The following DSCAM variants were observed in gnomAD, a reference collection of about 807,000 sequenced individuals.
DSCAM encodes DS cell adhesion molecule.
In DSCAM, 47 loss-of-function variants were observed where a neutral mutation model predicts 217.7. The ratio of observed to expected loss-of-function variants is 0.22; its 90% CI spans 0.17 to 0.28. DSCAM has a LOEUF of 0.28. DSCAM is among the 10% of genes least tolerant of loss of function. DSCAM has a pLI of 1.00. For synonymous variants in DSCAM, 1,056 were observed against 1,015.3 expected, an observed-to-expected ratio of 1.04 and a Z score of -0.76; for missense variants, 2,080 against 2,618.3, an observed-to-expected ratio of 0.79 and a Z score of 4.49.
At chr21:40,264,021 GAGACTAATAACAA>G (rs1312771568) in intron 11 of DSCAM, among the ~76,000 whole-genome samples, 3 of 151,600 alleles carry the variant, frequency 2.0e-5, no homozygotes, top group African/African-American at 7.3e-5. Flanking sequence ...AAATCCTGAT[GAGACTAATAACAA>G]GCAGTGATAT....
intron 3 of DSCAM, among the ~76,000 whole-genome samples, chr21:40,410,110 C>T (rs950172438): frequency 6.6e-6 from 1 of 151,550 alleles, no homozygotes; most frequent in Non-Finnish European, 1.5e-5. Flanking sequence ...TAAATATGTG[C>T]CATTTTCAAG....
chr21:40,371,605 G>C (rs530898000), intron 3 of DSCAM, among the ~76,000 whole-genome samples: 1 of 152,300 alleles, frequency 6.6e-6, no homozygotes, highest in Non-Finnish European at 1.5e-5. Context: ...TGATTCCAGA[G>C]AGGGCTCTAT....
intron 2 of DSCAM, among the ~76,000 whole-genome samples, chr21:40,703,467 G>A (rs535780697): frequency 2.0e-5 from 3 of 152,134 alleles, no homozygotes; most frequent in South Asian, 2.1e-4. Context: ...TGCAGTGAGC[G>A]ATGATCACCC....
At chr21:40,098,810 A>C (rs2089714849) in intron 20 of DSCAM, among the ~76,000 whole-genome samples, 1 of 152,174 alleles carries the variant, frequency 6.6e-6, no homozygotes, top group African/African-American at 2.4e-5. Context: ...TGGATTCCCT[A>C]GATACATCAC....
chr21:40,421,896 C>T (rs2075428151), intron 3 of DSCAM, among the ~76,000 whole-genome samples: 1 of 152,210 alleles, frequency 6.6e-6, no homozygotes, highest in African/African-American at 2.4e-5. Flanking sequence ...CAGAGCCAAC[C>T]TTGAGAAATG....
Position 40,757,814 on chromosome 21 carries a change from C to T in DSCAM, c.44-49043G>A, listed in dbSNP as rs117682164. 8.1e-3 allele frequency among the ~76,000 whole-genome samples: 1,227 copies of T among 152,332 alleles called. 9 individuals carry two copies. The highest frequency in any genetic ancestry group is 0.014 in the Non-Finnish European group (952 of 68,034). On this transcript the variant is annotated intron_variant, in intron 1 of 32. Coordinates refer to ENST00000400454, the MANE Select transcript of DSCAM (RefSeq NM_001389.5). ...TTTTGGCATCAAGTCTCGATTGAAT[C>T]CTCCCTATGTGTGGAGTACTGTTTC... is the stretch of plus-strand genomic sequence containing the variant.
chr21:40,465,756 C>T (rs547588699), intron 3 of DSCAM, among the ~76,000 whole-genome samples: 2 of 152,166 alleles, frequency 1.3e-5, no homozygotes, highest in East Asian at 1.9e-4. Context: ...GACTGGACAC[C>T]CCTGTTCTAG....
chr21:40,549,066 G>C (rs2076608178), intron 3 of DSCAM, among the ~76,000 whole-genome samples: 1 of 152,146 alleles, frequency 6.6e-6, no homozygotes, highest in Non-Finnish European at 1.5e-5. Context: ...TTAACTGGGT[G>C]TGGTGGTGTG....
chr21:40,748,283 GT>G (rs2091194473), intron 1 of DSCAM, among the ~76,000 whole-genome samples: 1 of 151,686 alleles, frequency 6.6e-6, no homozygotes, highest in Non-Finnish European at 1.5e-5. Flanking sequence ...AATTTTCCCT[GT>G]TTGCAGACAA....
chr21:40,791,465 T>G (rs1316777788), intron 1 of DSCAM, among the ~76,000 whole-genome samples: 1 of 151,924 alleles, frequency 6.6e-6, no homozygotes, highest in Non-Finnish European at 1.5e-5. Flanking sequence ...CCATCCTGGC[T>G]AACACGGTGA....
chr21:40,098,683 CTTAA>C lies in DSCAM; in HGVS notation c.3697-4813_3697-4810del, dbSNP rs112233459. On this transcript the variant is annotated intron_variant, in intron 20 of 32. Coordinates refer to ENST00000400454, the MANE Select transcript of DSCAM (RefSeq NM_001389.5). Reference sequence around the variant, plus strand: ...GGGGATTTAAATCTTCACTATATCTCTTAATTGTCATACAACCTCATGCTTCCTC... The same window carrying C: ...GGGGATTTAAATCTTCACTATATCTCTTGTCATACAACCTCATGCTTCCTC... Among the ~76,000 whole-genome samples the C allele has an allele frequency of 3.7e-3, 561 of 152,360 alleles. 3 individuals are homozygous for C. Among genetic ancestry groups the C allele is most frequent in the African/African-American group, 0.012 (517 of 41,598 alleles).
At chr21:40,090,566 C>T (rs951513987) in intron 21 of DSCAM, among the ~76,000 whole-genome samples, 6 of 152,184 alleles carry the variant, frequency 3.9e-5, no homozygotes, top group Non-Finnish European at 7.4e-5. Flanking sequence ...CCACTCCCTC[C>T]TTTTGCAAGC....
intron 5 of DSCAM, 128 bp from the exon 6 acceptor site, chr21:40,348,073 A>C: frequency 1.2e-6 from 1 of 802,222 alleles, no homozygotes; most frequent in Non-Finnish European, 1.9e-6. Context: ...CCCATCAGCC[A>C]CATTATTGCA....
At chr21:40,416,066 A>G (rs2075368983) in intron 3 of DSCAM, among the ~76,000 whole-genome samples, 1 of 152,222 alleles carries the variant, frequency 6.6e-6, no homozygotes, top group African/African-American at 2.4e-5. Flanking sequence ...TTTTTTCAAT[A>G]AAATGACCTG....
At chr21:40,717,662 G>C (rs910507336) in intron 1 of DSCAM, among the ~76,000 whole-genome samples, 1 of 152,216 alleles carries the variant, frequency 6.6e-6, no homozygotes, top group African/African-American at 2.4e-5. Context: ...GTTAGGACTG[G>C]GTAACGGGAC....
At chr21:40,320,064 A>G (rs2074243421) in intron 8 of DSCAM, among the ~76,000 whole-genome samples, 1 of 152,206 alleles carries the variant, frequency 6.6e-6, no homozygotes, top group Admixed American at 6.5e-5. Context: ...GAGGGAAAGC[A>G]TCAGGAAAAA....
In DSCAM at chr21:40,053,305, G is replaced by A. The variant is rs528029892; in HGVS notation, c.5036-1198C>T. On this transcript the variant is annotated intron_variant, in intron 29 of 32. Transcript: ENST00000400454. ...CGGTGAGGTTGGCACCACAGCAGGC[G>A]CCTGGGCTTGGCTTGGAGGTCCGGC... 5.3e-5 allele frequency among the ~76,000 whole-genome samples: 8 copies of A among 152,328 alleles called. No homozygotes were observed. In the South Asian group the frequency reaches 6.2e-4, roughly 12 times the overall value.
In DSCAM at chr21:40,488,219, G is replaced by A. The variant is rs542880979; in HGVS notation, c.509-118974C>T. Reference sequence around the variant, plus strand: ...CCTGGAACAGTGGCTGGCTGGAGACGGACACCTTTGTTGAGCCCCAGCAGC... The same window carrying A: ...CCTGGAACAGTGGCTGGCTGGAGACAGACACCTTTGTTGAGCCCCAGCAGC... On this transcript the variant is annotated intron_variant, in intron 3 of 32. Transcript: ENST00000400454. Among the ~76,000 whole-genome samples, 6 of 152,264 alleles carry A rather than the reference G, an allele frequency of 3.9e-5. No homozygotes were observed. The East Asian group carries it at 5.8e-4, about 15-fold the overall frequency.
At chr21:40,709,167 T>C (rs573881836) in intron 1 of DSCAM, among the ~76,000 whole-genome samples, 2 of 152,240 alleles carry the variant, frequency 1.3e-5, no homozygotes, top group South Asian at 2.1e-4. Flanking sequence ...CTCCCACTAT[T>C]ACCTGGAGCA....
Sources: gnomAD v4.1 joint callset for allele counts (sites outside exome capture counted in the v4.1 genomes callset) on GRCh38, gnomAD v4.1.1 for gene constraint, MANE v1.5 for transcripts, NCBI Gene and HGNC (gene_info 2026-07-23, HGNC 2026-07-21) for gene names.